PZP: variants seen among roughly 807,000 people sequenced by gnomAD.
The protein encoded by PZP is pregnancy zone protein.
In PZP, 150 loss-of-function variants were observed where a neutral mutation model predicts 179.8. That is an observed-to-expected ratio of 0.83 (90% CI 0.73 to 0.96). PZP has a LOEUF of 0.96. Ranked by LOEUF, PZP falls within the 40% of genes least tolerant of loss-of-function variation. The probability of loss-of-function intolerance (pLI) is 0.00; values close to 1 mark genes in which losing one functional copy is unlikely to be tolerated. For synonymous variants in PZP, 624 were observed against 652.3 expected, an observed-to-expected ratio of 0.96 and a Z score of 0.66; for missense variants, 1,689 against 1,764.0, an observed-to-expected ratio of 0.96 and a Z score of 0.76.
chr12:9,196,944 A>C, intron 8 of PZP, 68 bp downstream of exon 8: 2 of 1,205,694 alleles, frequency 1.7e-6, no homozygotes, highest in Non-Finnish European at 2.4e-6. Flanking sequence ...CCCTCTTTCT[A>C]GTTAGTAAAA....
chr12:9,174,470 A>G (rs1212290536), intron 15 of PZP, among the ~76,000 whole-genome samples: 3 of 152,210 alleles, frequency 2.0e-5, no homozygotes, highest in Non-Finnish European at 4.4e-5. Context: ...ATTTCTGGCC[A>G]GGGCAATCAG....
chr12:9,160,914 C>CAA (rs367927184), intron 23 of PZP, 119 bp downstream of exon 23: 634 of 654,496 alleles, frequency 9.7e-4, no homozygotes, highest in Non-Finnish European at 1.1e-3. Flanking sequence ...GACTCCATCT[C>CAA]AAAAAAATAA....
chr12:9,149,838 T>C (rs1322059977), intron 34 of PZP, among the ~76,000 whole-genome samples: 1 of 152,238 alleles, frequency 6.6e-6, no homozygotes, highest in East Asian at 1.9e-4. Flanking sequence ...TTTTAAATTC[T>C]TGGGAAGATG....
Position 9,157,345 on chromosome 12 carries a change from A to T in PZP, c.3380T>A (p.Val1127Asp), listed in dbSNP as rs775476324. The change falls in exon 28 of 36, where the codon GTT becomes GAT. Residue 1127 changes from valine (V) to aspartate (D), a missense_variant. By Grantham distance (152) the Val-to-Asp change is radical. This residue lies in a region of PZP where 746 missense variants were observed against 749.2 expected (regional missense o/e 1.00). Transcript: ENST00000261336. ...CTCCAGGCAGAACAGGGCATTGCGA[A>T]CAATAGGGTTCTGTAAAGGCAAAAT... ...EIPLPVTNPI[V>D]RNALFCLESA... The T allele has an allele frequency of 1.9e-6, 3 of 1,612,944 alleles. No individual in the cohort carries two copies. The highest frequency in any genetic ancestry group is 2.5e-6 in the Non-Finnish European group (3 of 1,179,418).
intron 13 of PZP, 101 bp downstream of exon 13, chr12:9,192,092 T>C (rs1278909466): frequency 9.9e-7 from 1 of 1,009,970 alleles, no homozygotes; most frequent in African/African-American, 1.6e-5. Flanking sequence ...CTCCTTATTG[T>C]GAAGGGATGA....
At chr12:9,152,156 G>C in intron 32 of PZP, 64 bp downstream of exon 32, 1 of 1,166,466 alleles carries the variant, frequency 8.6e-7, no homozygotes, top group Non-Finnish European at 1.3e-6. Context: ...TATTGGTATG[G>C]TCTTAGTTTG....
At chr12:9,166,256 T>C (rs1240231175) in intron 17 of PZP, 54 bp from the exon 18 acceptor site, 9 of 1,572,510 alleles carry the variant, frequency 5.7e-6, no homozygotes, top group Non-Finnish European at 7.8e-6. Flanking sequence ...AATTTCATGG[T>C]GCACATGTGA....
intron 4 of PZP, among the ~76,000 whole-genome samples, chr12:9,201,921 C>T (rs746468884): frequency 4.6e-5 from 7 of 151,834 alleles, no homozygotes; most frequent in Admixed American, 2.6e-4. Context: ...CTATATGTAT[C>T]GAATATATAA....
chr12:9,160,716 C>T (rs776555871), intron 23 of PZP, among the ~76,000 whole-genome samples: 5 of 152,138 alleles, frequency 3.3e-5, no homozygotes, highest in African/African-American at 1.2e-4. Context: ...ATATCGAGAC[C>T]ATCCTGGTGA....
At chr12:9,189,080 A>G (rs1943301093) in intron 13 of PZP, among the ~76,000 whole-genome samples, 1 of 152,240 alleles carries the variant, frequency 6.6e-6, no homozygotes, top group African/African-American at 2.4e-5. Flanking sequence ...GCCCAAAGCA[A>G]TTTATAGATT....
At chr12:9,164,962 C>T (rs1017079982) in intron 19 of PZP, among the ~76,000 whole-genome samples, 177 bp downstream of exon 19, 2 of 152,182 alleles carry the variant, frequency 1.3e-5, no homozygotes, top group African/African-American at 4.8e-5. Flanking sequence ...ACCCATAGCA[C>T]ATATATCATT....
At chr12:9,205,402 A>G (rs925987083) in intron 1 of PZP, among the ~76,000 whole-genome samples, 4 of 152,210 alleles carry the variant, frequency 2.6e-5, no homozygotes, top group Non-Finnish European at 4.4e-5. Context: ...GCCACATGAC[A>G]AGAATTGTTA....
intron 13 of PZP, among the ~76,000 whole-genome samples, chr12:9,182,867 T>C (rs982475187): frequency 1.3e-5 from 2 of 152,202 alleles, no homozygotes; most frequent in East Asian, 3.8e-4. Flanking sequence ...GAGATGCCTG[T>C]ACATAAAGGA....
Position 9,162,578 on chromosome 12 carries a change from T to C in PZP, c.2788+19A>G. 1 of 1,544,374 alleles carries C rather than the reference T, an allele frequency of 6.5e-7. No individual in the cohort carries two copies. ...TTTGTGGTTTTGATCTCACTATGAT[T>C]ATGAAGATGGACTCTTACCTGAGGC... On this transcript the variant is annotated intron_variant, in intron 22 of 35. Coordinates refer to ENST00000261336, the MANE Select transcript of PZP (RefSeq NM_002864.3).
chr12:9,194,703 A>T (rs1592547996), intron 10 of PZP, among the ~76,000 whole-genome samples: 2 of 152,168 alleles, frequency 1.3e-5, no homozygotes, highest in Admixed American at 6.5e-5. Flanking sequence ...TGACCTCGTG[A>T]TCTGCCCGCC....
intron 18 of PZP, 39 bp from the exon 19 acceptor site, chr12:9,165,406 G>A (rs2120741736): frequency 6.2e-7 from 1 of 1,605,956 alleles, no homozygotes; most frequent in Non-Finnish European, 8.5e-7. Context: ...AATAATGAAT[G>A]TAAGCCACCT....
intron 34 of PZP, 65 bp downstream of exon 34, chr12:9,150,579 C>G: frequency 9.3e-7 from 1 of 1,070,664 alleles, no homozygotes; most frequent in Non-Finnish European, 1.4e-6. Context: ...AGAAGAGGAT[C>G]AACTGTCACA....
chr12:9,152,175 G>T, intron 32 of PZP, 45 bp downstream of exon 32: 1 of 1,339,480 alleles, frequency 7.5e-7, no homozygotes, highest in Non-Finnish European at 1.1e-6. Flanking sequence ...TGGGGATACA[G>T]AACATACTTT....
intron 29 of PZP, 88 bp from the exon 30 acceptor site, chr12:9,153,431 G>A: frequency 1.8e-6 from 2 of 1,101,062 alleles, no homozygotes; most frequent in Non-Finnish European, 2.7e-6. Flanking sequence ...CCTACCATGA[G>A]GGAAGCTGGC....
Sources: allele counts gnomAD v4.1 joint callset (sites outside exome capture counted in the v4.1 genomes callset), GRCh38; gene constraint gnomAD v4.1.1; regional missense constraint gnomAD v4.1.1; transcripts MANE v1.5; gene names NCBI Gene and HGNC (gene_info 2026-07-23, HGNC 2026-07-21).